Variants in CFAP47 observed in about 807,000 individuals in gnomAD.
CFAP47 encodes the protein cilia- and flagella-associated protein 47.
Under a neutral mutation model 148.1 loss-of-function variants are expected in CFAP47, and 29 were observed. That is an observed-to-expected ratio of 0.20 (90% confidence interval 0.15 to 0.27). The LOEUF is 0.27. Ranked by LOEUF, CFAP47 falls within the 10% of genes least tolerant of loss-of-function variation. CFAP47 has a pLI of 1.00. For missense variants in CFAP47, 1,872 were observed against 1,697.5 expected, an observed-to-expected ratio of 1.10 and a Z score of -1.81; for synonymous variants, 664 against 577.3, an observed-to-expected ratio of 1.15 and a Z score of -2.15.
chrX:36,209,513 G>T (rs1433111844), intron 45 of CFAP47, among the ~76,000 whole-genome samples: 1 of 110,538 alleles, frequency 9.0e-6, no homozygotes, highest in African/African-American at 3.3e-5. Flanking sequence ...ACCCAAATTG[G>T]CAAGAGCAAG....
At chrX:35,967,544 A>C in intron 9 of CFAP47, 75 bp from the exon 10 acceptor site, 1 of 742,421 alleles carries the variant, frequency 1.3e-6, no homozygotes, top group Non-Finnish European at 2.0e-6. Context: ...TAGTGTATTA[A>C]TTAATTCATG....
At chrX:36,077,320 TGTG>T (rs778191952) in intron 29 of CFAP47, among the ~76,000 whole-genome samples, 1 of 105,042 alleles carries the variant, frequency 9.5e-6, no homozygotes, top group African/African-American at 3.5e-5. Flanking sequence ...GCATTGGTAA[TGTG>T]GTAGAAATAG....
intron 61 of CFAP47, among the ~76,000 whole-genome samples, chrX:36,366,105 C>T (rs966850220): frequency 9.0e-6 from 1 of 111,667 alleles, no homozygotes; most frequent in Non-Finnish European, 1.9e-5. Context: ...TCCAGTTGCT[C>T]ACAAAATGGT....
intron 8 of CFAP47, among the ~76,000 whole-genome samples, chrX:35,966,351 T>TA (rs907557129): frequency 9.5e-6 from 1 of 105,517 alleles, no homozygotes; most frequent in Admixed American, 1.0e-4. Flanking sequence ...TTAAGAAAAA[T>TA]AAAAAATTTT....
At chrX:35,977,162 G>A (rs1316271263) in intron 15 of CFAP47, among the ~76,000 whole-genome samples, 1 of 111,869 alleles carries the variant, frequency 8.9e-6, no homozygotes, top group Non-Finnish European at 1.9e-5. Flanking sequence ...TGTATCAATA[G>A]TGACCCATTT....
chrX:36,114,853 C>T (rs12394376), intron 33 of CFAP47, among the ~76,000 whole-genome samples: 10,703 of 111,194 alleles, frequency 0.096, 1,026 homozygotes, highest in African/African-American at 0.29. Flanking sequence ...AGCAGCAGCA[C>T]GATGGGGTGC....
At chrX:36,004,540 G>A (rs1936958301) in intron 21 of CFAP47, among the ~76,000 whole-genome samples, 1 of 110,739 alleles carries the variant, frequency 9.0e-6, no homozygotes, top group Non-Finnish European at 1.9e-5. Context: ...TGAACACAAT[G>A]TGGTATATCC....
At chrX:36,026,775 T>A (rs1937221744) in intron 22 of CFAP47, among the ~76,000 whole-genome samples, 1 of 110,446 alleles carries the variant, frequency 9.1e-6, no homozygotes, top group South Asian at 3.8e-4. Context: ...AAAACTCTGA[T>A]CAAGTCCATC....
chrX:36,042,601 A>C (rs1230332930), intron 25 of CFAP47, among the ~76,000 whole-genome samples: 2 of 111,207 alleles, frequency 1.8e-5, no homozygotes, highest in African/African-American at 6.5e-5. Flanking sequence ...TAAAGATATG[A>C]ATGAGCTGTA....
chrX:35,989,591 G>T, intron 16 of CFAP47, 142 bp downstream of exon 16: 1 of 1,138,460 alleles, frequency 8.8e-7, no homozygotes. Context: ...TTTTGTTAGA[G>T]CCTCTATAAA....
chrX:35,990,089 A>G (rs965659990), intron 16 of CFAP47: 1 of 111,723 alleles, frequency 9.0e-6, no homozygotes, highest in Non-Finnish European at 1.9e-5. Context: ...ATGCATATGT[A>G]TATGTATATG....
At chrX:36,348,371 C>T (rs1941715769) in intron 58 of CFAP47, 83 bp downstream of exon 58, 2 of 455,338 alleles carry the variant, frequency 4.4e-6, no homozygotes, top group South Asian at 1.4e-4. Context: ...ACATGTTATA[C>T]ATATATAATG....
At chrX:36,146,822 C>T (rs1314449506) in intron 36 of CFAP47, among the ~76,000 whole-genome samples, 2 of 104,732 alleles carry the variant, frequency 1.9e-5, no homozygotes, top group Admixed American at 1.0e-4. Flanking sequence ...CTCTTGTTGC[C>T]CAGGCTGGAG....
rs782478072 is a variant in CFAP47 at position 36,348,226 on chromosome X, G to A, written c.8541G>A (p.Thr2847=). 59 of 1,057,476 alleles carry A rather than the reference G, an allele frequency of 5.6e-5. No homozygotes were observed. The highest frequency in any genetic ancestry group is 7.9e-5 in the East Asian group (2 of 25,230). The allele number at this position is 1,057,476 out of a possible 1,213,427, so 87.1% of individuals were successfully genotyped here. A position where few individuals can be genotyped will look rare whatever the true frequency, so the allele number is the denominator to read the frequency against. Residue 2847 remains threonine (T), a synonymous_variant, in exon 58 of 64, where the codon ACG becomes ACA. Transcript: ENST00000378653. ...AAACAATGGTTATTATTGAGATGAC[G>A]AAAGCAAATGGAAAATATTGGCCTA... ...LHKTMVIIEM[T]KANGKYWPID... is the part of the protein sequence containing the mutation.
intron 26 of CFAP47, among the ~76,000 whole-genome samples, chrX:36,057,581 T>G (rs1464658155): frequency 8.9e-6 from 1 of 111,922 alleles, no homozygotes; most frequent in Non-Finnish European, 1.9e-5. Flanking sequence ...ATACCCTATA[T>G]TCTACTAAAA....
intron 33 of CFAP47, among the ~76,000 whole-genome samples, chrX:36,126,217 G>A (rs1422111607): frequency 9.1e-6 from 1 of 109,463 alleles, no homozygotes; most frequent in Non-Finnish European, 1.9e-5. Context: ...CTAACATTAG[G>A]TATTTCTCCT....
chrX:36,049,752 G>C (rs190834200), intron 26 of CFAP47, among the ~76,000 whole-genome samples: 27 of 111,753 alleles, frequency 2.4e-4, no homozygotes, highest in Non-Finnish European at 4.9e-4. Context: ...CAATGGACCC[G>C]CACATTTGTT....
intron 62 of CFAP47, among the ~76,000 whole-genome samples, chrX:36,377,935 C>G (rs782218827): frequency 5.4e-5 from 6 of 111,596 alleles, no homozygotes; most frequent in Non-Finnish European, 7.5e-5. Context: ...CGAAGTCATC[C>G]ATCTAAATAA....
chrX:35,951,388 G>T, intron 5 of CFAP47, 29 bp downstream of exon 5: 1 of 921,023 alleles, frequency 1.1e-6, no homozygotes, highest in Non-Finnish European at 1.6e-6. Flanking sequence ...AGGGATATCA[G>T]ATATTATGAC....
Sources: allele counts gnomAD v4.1 joint callset (sites outside exome capture counted in the v4.1 genomes callset), GRCh38; gene constraint gnomAD v4.1.1; transcripts MANE v1.5; gene names NCBI Gene and HGNC (gene_info 2026-07-23, HGNC 2026-07-21).